The following GRM3 variants were observed in gnomAD, a reference collection of about 807,000 sequenced individuals.
GRM3 encodes the protein metabotropic glutamate receptor 3.
A neutral mutation model predicts 70.5 loss-of-function variants in GRM3; 26 were observed. That is an observed-to-expected ratio of 0.37 (90% CI 0.27 to 0.51). The LOEUF (loss-of-function observed/expected upper bound fraction) is 0.51, where lower values mean the gene tolerates loss of function less well. Among genes scored for constraint, GRM3 ranks in the 20% least tolerant of loss-of-function variants. GRM3 has a pLI of 0.93. For synonymous variants in GRM3, 443 were observed against 434.9 expected, an observed-to-expected ratio of 1.02 and a Z score of -0.23; for missense variants, 859 against 1,123.8, an observed-to-expected ratio of 0.76 and a Z score of 3.37.
chr7:86,663,231 A>G (rs1262420303), intron 1 of GRM3, among the ~76,000 whole-genome samples: 1 of 151,922 alleles, frequency 6.6e-6, no homozygotes, highest in Non-Finnish European at 1.5e-5. Flanking sequence ...GCAGTGGCCA[A>G]TGAGGTAAGG....
intron 3 of GRM3, among the ~76,000 whole-genome samples, chr7:86,833,800 C>T (rs1000526292): frequency 6.6e-6 from 1 of 152,158 alleles, no homozygotes; most frequent in African/African-American, 2.4e-5. Context: ...AGCTAAGGAG[C>T]AGAGCATTTC....
chr7:86,743,651 A>T (rs560885964), intron 1 of GRM3, among the ~76,000 whole-genome samples: 1 of 152,250 alleles, frequency 6.6e-6, no homozygotes, highest in South Asian at 2.1e-4. Context: ...TCCTGTATTG[A>T]TTGAAATAAA....
chr7:86,655,083 C>G (rs943697474), intron 1 of GRM3, among the ~76,000 whole-genome samples: 5 of 152,208 alleles, frequency 3.3e-5, no homozygotes, highest in Non-Finnish European at 5.9e-5. Context: ...GGCCATTAAG[C>G]ATTTTACAAT....
intron 1 of GRM3, among the ~76,000 whole-genome samples, chr7:86,652,092 C>T (rs79743196): frequency 6.6e-6 from 1 of 152,164 alleles, no homozygotes; most frequent in Admixed American, 6.5e-5. Context: ...TTGTCTAAGA[C>T]AAGCCCTTCC....
At chr7:86,682,940 G>T (rs909770225) in intron 1 of GRM3, among the ~76,000 whole-genome samples, 2 of 152,144 alleles carry the variant, frequency 1.3e-5, no homozygotes, top group Non-Finnish European at 2.9e-5. Flanking sequence ...GCTGTCCATA[G>T]TTACCATGCT....
At chr7:86,710,769 AG>A (rs1795179383) in intron 1 of GRM3, among the ~76,000 whole-genome samples, 1 of 152,116 alleles carries the variant, frequency 6.6e-6, no homozygotes, top group African/African-American at 2.4e-5. Flanking sequence ...CAGTGGCTAA[AG>A]TTTGGACCTT....
chr7:86,650,913 C>A (rs1369125626), intron 1 of GRM3, among the ~76,000 whole-genome samples: 3 of 152,142 alleles, frequency 2.0e-5, no homozygotes, highest in African/African-American at 7.2e-5. Context: ...TTTCTTTACC[C>A]TGCTGAAGTA....
chr7:86,786,953 G>A lies in GRM3; in HGVS notation c.1161G>A (p.Glu387=). 1 of 1,614,216 alleles carries A rather than the reference G, an allele frequency of 6.2e-7. No homozygotes were observed. The highest frequency in any genetic ancestry group is 8.5e-7 in the Non-Finnish European group (1 of 1,180,014). Residue 387 remains glutamate (E), a synonymous_variant, in exon 3 of 6, where the codon GAG becomes GAA. Coordinates refer to ENST00000361669, the MANE Select transcript of GRM3 (RefSeq NM_000840.3). This position sits in a 1 kb window ranked among gnomAD's most constrained non-coding sequence, Gnocchi z 6.0. ...LAIDSSNYEQ[E]SKIMFVVNAV... ...TCGACAGCAGCAACTACGAGCAAGA[G>A]TCCAAGATCATGTTTGTGGTGAACG...
intron 3 of GRM3, among the ~76,000 whole-genome samples, chr7:86,826,552 T>C (rs2116700738): frequency 6.6e-6 from 1 of 152,246 alleles, no homozygotes; most frequent in Non-Finnish European, 1.5e-5. Flanking sequence ...ACTCCACATA[T>C]TCAAGGAAGT....
intron 1 of GRM3, among the ~76,000 whole-genome samples, chr7:86,650,189 A>C (rs996585991): frequency 6.6e-6 from 1 of 152,128 alleles, no homozygotes; most frequent in Non-Finnish European, 1.5e-5. Flanking sequence ...TGAAGTAGGT[A>C]CTGGGATCCT....
At chr7:86,712,917 T>C (rs911107981) in intron 1 of GRM3, among the ~76,000 whole-genome samples, 1 of 152,128 alleles carries the variant, frequency 6.6e-6, no homozygotes, top group Middle Eastern at 3.2e-3. Context: ...TTGGCTATTG[T>C]GAATAGTGCT....
At chr7:86,650,284 A>C (rs1471644249) in intron 1 of GRM3, among the ~76,000 whole-genome samples, 1 of 152,202 alleles carries the variant, frequency 6.6e-6, no homozygotes, top group Admixed American at 6.5e-5. Context: ...TGCAACTGGA[A>C]TTCAAAACCT....
intron 3 of GRM3, among the ~76,000 whole-genome samples, chr7:86,813,161 AC>A (rs1405700337): frequency 6.6e-6 from 1 of 151,746 alleles, no homozygotes; most frequent in Non-Finnish European, 1.5e-5. Flanking sequence ...TAAAATCTAT[AC>A]CCATCAGCTA....
At chr7:86,743,122 G>A (rs1375064599) in intron 1 of GRM3, among the ~76,000 whole-genome samples, 3 of 152,046 alleles carry the variant, frequency 2.0e-5, no homozygotes, top group Non-Finnish European at 2.9e-5. Flanking sequence ...TTACATGATC[G>A]TATCTCTTTG....
chr7:86,701,943 T>G (rs1794954658), intron 1 of GRM3, among the ~76,000 whole-genome samples: 2 of 151,950 alleles, frequency 1.3e-5, no homozygotes, highest in Admixed American at 1.3e-4. Context: ...CCCTACTTCA[T>G]TACACTAAGG....
intron 1 of GRM3, among the ~76,000 whole-genome samples, chr7:86,758,195 C>T (rs1474219616): frequency 2.6e-5 from 4 of 152,138 alleles, no homozygotes; most frequent in African/African-American, 9.7e-5. Context: ...TAAAAAGGGA[C>T]TGTATACATC....
chr7:86,709,493 C>T (rs927922709), intron 1 of GRM3, among the ~76,000 whole-genome samples: 2 of 152,008 alleles, frequency 1.3e-5, no homozygotes, highest in African/African-American at 4.8e-5. Context: ...TTGTATGGCC[C>T]CTTTATTTCA....
chr7:86,659,273 A>C (rs1793830731), intron 1 of GRM3, among the ~76,000 whole-genome samples: 1 of 152,208 alleles, frequency 6.6e-6, no homozygotes, highest in Non-Finnish European at 1.5e-5. Context: ...CATTTTTAGA[A>C]GAATGAGAAG....
chr7:86,832,121 A>G (rs1379770036), intron 3 of GRM3, among the ~76,000 whole-genome samples: 4 of 152,074 alleles, frequency 2.6e-5, no homozygotes, highest in Non-Finnish European at 5.9e-5. Context: ...GACTTCTAAC[A>G]TAGTCTTTCC....
Sources: gnomAD v4.1 joint callset for allele counts (sites outside exome capture counted in the v4.1 genomes callset) on GRCh38, gnomAD v4.1.1 for gene constraint, Gnocchi (gnomAD v3.1) non-coding constraint, MANE v1.5 for transcripts, NCBI Gene and HGNC (gene_info 2026-07-23, HGNC 2026-07-21) for gene names.